Variants in CTPS2 observed in about 807,000 individuals in gnomAD.
CTPS2 encodes the protein CTP synthase II.
In CTPS2, 19 loss-of-function variants were observed where a neutral mutation model predicts 46.8. The observed-to-expected ratio is 0.41, with a 90% CI of 0.28 to 0.60. CTPS2 has a LOEUF of 0.60. CTPS2 is among the 20% of genes least tolerant of loss of function. The probability of loss-of-function intolerance (pLI) is 0.35; values close to 1 mark genes in which losing one functional copy is unlikely to be tolerated. For synonymous variants in CTPS2, 151 were observed against 165.2 expected, an observed-to-expected ratio of 0.91 and a Z score of 0.66; for missense variants, 286 against 447.6, an observed-to-expected ratio of 0.64 and a Z score of 3.26.
intron 13 of CTPS2, among the ~76,000 whole-genome samples, chrX:16,643,067 T>C (rs1157228841): frequency 2.7e-5 from 3 of 112,253 alleles, no homozygotes; most frequent in African/African-American, 9.7e-5. Flanking sequence ...AAAATCAGCA[T>C]GTAAGGATAA....
chrX:16,620,449 G>A (rs1312487777), intron 14 of CTPS2, 117 bp from the exon 15 acceptor site: 4 of 497,207 alleles, frequency 8.0e-6, no homozygotes, highest in African/African-American at 7.1e-5. Context: ...GACTAAAAAT[G>A]AACTAATAGA....
intron 15 of CTPS2, 40 bp downstream of exon 15, chrX:16,620,237 A>G (rs1446510269): frequency 1.4e-5 from 15 of 1,078,036 alleles, no homozygotes; most frequent in Non-Finnish European, 1.8e-5. Flanking sequence ...CCTCACACTA[A>G]GCATCCATAT....
chrX:16,662,693 T>C lies in CTPS2; in HGVS notation c.1296+4821A>G, dbSNP rs1013374331. On this transcript the variant is annotated intron_variant, in intron 13 of 18. Coordinates refer to ENST00000359276, the MANE Select transcript of CTPS2 (RefSeq NM_175859.3). ...CTTGCTGCCTTATGATTCTATCTCC[T>C]TAGTCTTTTTTTTTTTTTTTTTAAT... Among the ~76,000 whole-genome samples the C allele has an allele frequency of 3.2e-5, 3 of 95,171 alleles. No homozygotes were observed. In the East Asian group the frequency reaches 9.6e-4, roughly 30 times the overall value. 82.6% of individuals were successfully genotyped at this position (95,171 alleles called of 115,157 possible).
chrX:16,601,578 G>A (rs968006682), intron 17 of CTPS2, among the ~76,000 whole-genome samples: 4 of 103,332 alleles, frequency 3.9e-5, no homozygotes, highest in African/African-American at 1.1e-4. Context: ...CCATCGGGGG[G>A]GGGGGGGTTT....
At chrX:16,654,975 G>A (rs1433348969) in intron 13 of CTPS2, among the ~76,000 whole-genome samples, 1 of 111,722 alleles carries the variant, frequency 9.0e-6, no homozygotes, top group Non-Finnish European at 1.9e-5. Flanking sequence ...CAAAGATGGT[G>A]TGGGAGACCT....
At chrX:16,597,609 G>A (rs1036136327) in intron 17 of CTPS2, among the ~76,000 whole-genome samples, 2 of 111,945 alleles carry the variant, frequency 1.8e-5, no homozygotes, top group African/African-American at 6.5e-5. Flanking sequence ...TTGCAGTATA[G>A]TTTGAAGTCA....
chrX:16,685,634 G>A lies in CTPS2; in HGVS notation c.873-2408C>T, dbSNP rs1361783709. Among the ~76,000 whole-genome samples the A allele has an allele frequency of 2.8e-5, 3 of 107,640 alleles. No homozygotes were observed. The Admixed American group carries it at 3.0e-4, about 11-fold the overall frequency. The allele number at this position is 107,640 out of a possible 115,157, so 93.5% of individuals were successfully genotyped here. ...AGCAGTTTGGGAGGCCGAGGTGGGC[G>A]GATTACGATGTCAGGAGATCAAGAT... On this transcript the variant is annotated intron_variant, in intron 8 of 18. Coordinates refer to ENST00000359276, the MANE Select transcript of CTPS2 (RefSeq NM_175859.3).
At chrX:16,651,203 G>A (rs1932611163) in intron 13 of CTPS2, 1 of 938,987 alleles carries the variant, frequency 1.1e-6, no homozygotes, top group Non-Finnish European at 1.5e-6. Context: ...GGGAGGGAGG[G>A]GAGAGGACTC....
chrX:16,632,088 C>T (rs1931503253), intron 14 of CTPS2, among the ~76,000 whole-genome samples: 1 of 111,232 alleles, frequency 9.0e-6, no homozygotes, highest in Admixed American at 9.6e-5. Context: ...AATTAATCAA[C>T]TAATAGCATC....
chrX:16,689,452 G>A lies in CTPS2; in HGVS notation c.870C>T (p.Asp290=). 1.7e-6 allele frequency: 2 copies of A among 1,208,503 alleles called. No homozygotes were observed. The highest frequency in any genetic ancestry group is 2.2e-6 in the Non-Finnish European group (2 of 894,055). The change falls in exon 8 of 19, where the codon GAC becomes GAT. Residue 290 remains aspartate (D), a splice_region_variant and synonymous_variant. Coordinates refer to ENST00000359276, the MANE Select transcript of CTPS2 (RefSeq NM_175859.3). ...NLLFKWRNMA[D]RYERLQKICS... ...TACAAGTAATTCCTTTCGCTTACCT[G>A]TCAGCCATATTTCTCCACTTAAAAA...
At chrX:16,654,225 C>T (rs773340167) in intron 13 of CTPS2, among the ~76,000 whole-genome samples, 9 of 112,607 alleles carry the variant, frequency 8.0e-5, no homozygotes, top group South Asian at 3.7e-4. Context: ...TTCTATGACA[C>T]GGAGCAATAC....
Position 16,709,848 on chromosome X carries a change from C to CAAAAA in CTPS2, c.-40+2482_-40+2486dup, listed in dbSNP as rs35017705. Among the ~76,000 whole-genome samples, 36 of 23,733 alleles carry CAAAAA rather than the reference C, an allele frequency of 1.5e-3. 2 individuals carry two copies. Among genetic ancestry groups the CAAAAA allele is most frequent in the Admixed American group, 6.1e-3 (8 of 1,303 alleles). 20.6% of individuals were successfully genotyped at this position (23,733 alleles called of 115,157 possible). The stretch of plus-strand genomic sequence containing the variant: ...TGGTGACAGAGTGAGACTCTGTCTC[C>CAAAAA]AAAAAAAAAAAAAAAAAAAAAAAAA... On this transcript the variant is annotated intron_variant, in intron 1 of 18. Transcript: ENST00000359276.
chrX:16,702,722 G>T lies in CTPS2; in HGVS notation c.166+15C>A, dbSNP rs760669062. ...GAGCCTAGTGCTATAAGGGGGAAGTGGTTCACTTTCGTACCGTGTTCATAA... is the reference window on the plus strand; with the variant it reads ...GAGCCTAGTGCTATAAGGGGGAAGTTGTTCACTTTCGTACCGTGTTCATAA... On this transcript the variant is annotated intron_variant, in intron 2 of 18. Coordinates refer to ENST00000359276, the MANE Select transcript of CTPS2 (RefSeq NM_175859.3). 8.3e-7 allele frequency: 1 copy of T among 1,201,466 alleles called. No homozygotes were observed. Among genetic ancestry groups the T allele is most frequent in the Non-Finnish European group, 1.1e-6 (1 of 887,111 alleles).
intron 17 of CTPS2, among the ~76,000 whole-genome samples, chrX:16,599,404 A>C (rs1171810362): frequency 9.0e-6 from 1 of 111,440 alleles, no homozygotes; most frequent in Non-Finnish European, 1.9e-5. Flanking sequence ...AACACAGAGG[A>C]ATCACTATAC....
chrX:16,679,558 C>A (rs1370979477), intron 9 of CTPS2, among the ~76,000 whole-genome samples: 1 of 110,583 alleles, frequency 9.0e-6, no homozygotes, highest in African/African-American at 3.3e-5. Flanking sequence ...ACAGACTTGA[C>A]ACTTGAAGCC....
chrX:16,708,220 A>C (rs1192338672), intron 1 of CTPS2, among the ~76,000 whole-genome samples: 1 of 111,724 alleles, frequency 9.0e-6, no homozygotes, highest in African/African-American at 3.3e-5. Flanking sequence ...TATCTTAACT[A>C]AAGTTATCAC....
chrX:16,622,203 C>G (rs1426044833), intron 14 of CTPS2, among the ~76,000 whole-genome samples: 2 of 109,753 alleles, frequency 1.8e-5, no homozygotes, highest in Non-Finnish European at 3.8e-5. Context: ...GTCAGGAGTT[C>G]AAGACCAGCC....
intron 15 of CTPS2, 26 bp downstream of exon 15, chrX:16,620,251 C>T: frequency 8.7e-7 from 1 of 1,148,915 alleles, no homozygotes; most frequent in Non-Finnish European, 1.2e-6. Context: ...TCCATATTCC[C>T]CAGTAATTCA....
chrX:16,668,410 T>TAA (rs1181822517), intron 11 of CTPS2, among the ~76,000 whole-genome samples: 2 of 86,254 alleles, frequency 2.3e-5, no homozygotes, highest in African/African-American at 8.7e-5. Context: ...CCATCTCTAC[T>TAA]AAAAAAAAAA....
Sources: allele counts gnomAD v4.1 joint callset (sites outside exome capture counted in the v4.1 genomes callset), GRCh38; gene constraint gnomAD v4.1.1; transcripts MANE v1.5; gene names NCBI Gene and HGNC (gene_info 2026-07-23, HGNC 2026-07-21).